The following RPL24 variants were observed in gnomAD, a reference collection of about 807,000 sequenced individuals.
RPL24 encodes ribosomal protein L24.
A neutral mutation model predicts 26.4 loss-of-function variants in RPL24; 7 were observed. The observed-to-expected ratio is 0.27, with a 90% CI of 0.15 to 0.50. The LOEUF (loss-of-function observed/expected upper bound fraction) is 0.50, where lower values mean the gene tolerates loss of function less well. Ranked by LOEUF, RPL24 falls within the 20% of genes least tolerant of loss-of-function variation. The probability of loss-of-function intolerance (pLI) is 0.98; values close to 1 mark genes in which losing one functional copy is unlikely to be tolerated. For synonymous variants in RPL24, 67 were observed against 65.2 expected, an observed-to-expected ratio of 1.03 and a Z score of -0.13; for missense variants, 109 against 194.9, an observed-to-expected ratio of 0.56 and a Z score of 2.62.
At chr3:101,682,942 C>T (rs778321842) in intron 3 of RPL24, 35 bp from the exon 4 acceptor site, 12 of 1,586,080 alleles carry the variant, frequency 7.6e-6, no homozygotes, top group Admixed American at 1.8e-5. Flanking sequence ...ACTTAGGAAC[C>T]TTCCTTCAAG....
intron 5 of RPL24, 103 bp downstream of exon 5, chr3:101,682,326 A>G: frequency 1.1e-6 from 1 of 895,128 alleles, no homozygotes; most frequent in East Asian, 2.4e-5. Context: ...AGATCAGATC[A>G]CGCCACTGCA....
At chr3:101,685,782 G>C (rs1559993523) in intron 3 of RPL24, 36 bp downstream of exon 3, 1 of 1,214,330 alleles carries the variant, frequency 8.2e-7, no homozygotes, top group South Asian at 1.3e-5. Flanking sequence ...GACAACTTAA[G>C]AGATAGCCCC....
At chr3:101,682,947 T>C in intron 3 of RPL24, 40 bp from the exon 4 acceptor site, 3 of 1,578,472 alleles carry the variant, frequency 1.9e-6, no homozygotes, top group Non-Finnish European at 2.6e-6. Flanking sequence ...GGAACCTTCC[T>C]TCAAGAATTT....
chr3:101,681,941 C>G (rs903767019), intron 5 of RPL24: 1 of 157,348 alleles, frequency 6.4e-6, no homozygotes, highest in Non-Finnish European at 1.4e-5. Flanking sequence ...AGAGGACCAC[C>G]TCTCTGGAGA....
chr3:101,686,014 A>G (rs1937336797), intron 2 of RPL24, 86 bp from the exon 3 acceptor site: 1 of 870,752 alleles, frequency 1.1e-6, no homozygotes, highest in South Asian at 1.4e-5. Context: ...GAAGATCAAT[A>G]TGCTAGTTCT....
At chr3:101,682,938 G>A in intron 3 of RPL24, 31 bp from the exon 4 acceptor site, 2 of 1,589,518 alleles carry the variant, frequency 1.3e-6, no homozygotes, top group Non-Finnish European at 1.7e-6. Flanking sequence ...GCACACTTAG[G>A]AACCTTCCTT....
intron 2 of RPL24, 72 bp downstream of exon 2, chr3:101,686,410 C>T: frequency 7.2e-7 from 1 of 1,385,982 alleles, no homozygotes; most frequent in Non-Finnish European, 9.9e-7. Flanking sequence ...AATAAACCCG[C>T]CTAAACCGAA....
At chr3:101,686,601 C>A in intron 1 of RPL24, 44 bp from the exon 2 acceptor site, 1 of 1,614,002 alleles carries the variant, frequency 6.2e-7, no homozygotes, top group African/African-American at 1.3e-5. Flanking sequence ...TGTCTACAGC[C>A]ATGCCAGGGA....
chr3:101,681,281 C>A (rs1051062969), intron 5 of RPL24, 66 bp from the exon 6 acceptor site: 1 of 1,067,562 alleles, frequency 9.4e-7, no homozygotes, highest in African/African-American at 1.6e-5. Flanking sequence ...CCATCTCTCA[C>A]ATCCAGATTG....
At chr3:101,686,123 C>A (rs775187616) in intron 2 of RPL24, 195 bp from the exon 3 acceptor site, 1 of 578,960 alleles carries the variant, frequency 1.7e-6, no homozygotes, top group Non-Finnish European at 3.1e-6. Flanking sequence ...TGCGTTTAGT[C>A]TTTTCTCGAG....
At chr3:101,685,652 A>C (rs1937327757) in intron 3 of RPL24, among the ~76,000 whole-genome samples, 166 bp downstream of exon 3, 1 of 152,226 alleles carries the variant, frequency 6.6e-6, no homozygotes, top group Non-Finnish European at 1.5e-5. Flanking sequence ...CTAGCCTAAA[A>C]TATATAGAGA....
rs140820641 is a variant in RPL24 at position 101,686,691 on chromosome 3, G to C, written c.-15C>G. ...GCTTACTTCATGGCGACAGCTCCAC[G>C]GAAAGACAAAAGATGGCGAAAAGAA... On this transcript the variant is annotated 5_prime_UTR_variant, in exon 1 of 6. Coordinates refer to ENST00000394077, the MANE Select transcript of RPL24 (RefSeq NM_000986.4). 3 of 1,614,192 alleles carry C rather than the reference G, an allele frequency of 1.9e-6. No homozygotes were observed. The highest frequency in any genetic ancestry group is 1.7e-5 in the Admixed American group (1 of 60,028).
rs139047360 is a variant in RPL24, at chr3:101,685,382, T to C, written c.192+436A>G. Among the ~76,000 whole-genome samples, 209 of 152,332 alleles carry C rather than the reference T, an allele frequency of 1.4e-3. 1 individual carries two copies. Among genetic ancestry groups the C allele is most frequent in the African/African-American group, 4.8e-3 (198 of 41,578 alleles). ...ACCATGGCACTCAAACTTTTTCTCA[T>C]GTATAACCCAGCTAAAAGGACACTT... On this transcript the variant is annotated intron_variant, in intron 3 of 5. Coordinates refer to ENST00000394077, the MANE Select transcript of RPL24 (RefSeq NM_000986.4).
At chr3:101,685,296 A>G (rs1162864421) in intron 3 of RPL24, among the ~76,000 whole-genome samples, 2 of 152,166 alleles carry the variant, frequency 1.3e-5, no homozygotes, top group African/African-American at 4.8e-5. Flanking sequence ...CAATACCTAG[A>G]AAAGTCCTTC....
intron 3 of RPL24, among the ~76,000 whole-genome samples, chr3:101,684,030 G>T (rs989375225): frequency 6.6e-6 from 1 of 151,862 alleles, no homozygotes; most frequent in Admixed American, 6.6e-5. Context: ...ATTTTTTTAA[G>T]TAGAAACTGG....
At position 101,686,558 on chromosome 3, in the gene RPL24, C is replaced by G; in HGVS notation, c.6-1G>C. 1 of 1,614,262 alleles carries G rather than the reference C, an allele frequency of 6.2e-7. No individual in the cohort carries two copies. The highest frequency in any genetic ancestry group is 8.5e-7 in the Non-Finnish European group (1 of 1,180,050). On this transcript the variant is annotated splice_acceptor_variant, in intron 1 of 5. Transcript: ENST00000394077. LOFTEE classifies it high-confidence loss of function. ...CCCGCTAAAACTGCACAGCTCGACC[C>G]TGCAACAAAAAGTGAAAGTCCATCA...
In RPL24 at chr3:101,683,810, G is replaced by T. The variant is rs535220450; in HGVS notation, c.193-903C>A. ...TGCAACCTCCGCCTCCACCTCCGGG[G>T]TTCAAGCAATTCTGCCTCAGCCTCC... On this transcript the variant is annotated intron_variant, in intron 3 of 5. Coordinates refer to ENST00000394077, the MANE Select transcript of RPL24 (RefSeq NM_000986.4). Among the ~76,000 whole-genome samples, 17 of 151,548 alleles carry T rather than the reference G, an allele frequency of 1.1e-4. No homozygotes were observed. The South Asian group carries it at 1.5e-3, about 13-fold the overall frequency.
At chr3:101,683,707 C>CTTT (rs541871888) in intron 3 of RPL24, among the ~76,000 whole-genome samples, 5 of 130,870 alleles carry the variant, frequency 3.8e-5, no homozygotes, top group Admixed American at 1.5e-4. Flanking sequence ...TTTTTCTTTT[C>CTTT]TTTTTTTTTT....
Position 101,685,854 on chromosome 3 carries a change from A to G in RPL24, c.156T>C (p.Thr52=), listed in dbSNP as rs1391909930. 2 of 1,613,540 alleles carry G rather than the reference A, an allele frequency of 1.2e-6. No homozygotes were observed. The highest frequency in any genetic ancestry group is 1.7e-6 in the Non-Finnish European group (2 of 1,179,536). Residue 52 remains threonine, a synonymous_variant, in exon 3 of 6, where the codon ACT becomes ACC. Coordinates refer to ENST00000394077, the MANE Select transcript of RPL24 (RefSeq NM_000986.4). Reference sequence around the variant, plus strand: ...TTTTGTGCTTCCTTCTGTAGAGGACAGTCCAGTTTATCTGCCGAGGATTCC... The same window carrying G: ...TTTTGTGCTTCCTTCTGTAGAGGACGGTCCAGTTTATCTGCCGAGGATTCC... ...SKRNPRQINW[T]VLYRRKHKKG...
Sources: allele counts gnomAD v4.1 joint callset (sites outside exome capture counted in the v4.1 genomes callset), GRCh38; gene constraint gnomAD v4.1.1; transcripts MANE v1.5; gene names NCBI Gene and HGNC (gene_info 2026-07-23, HGNC 2026-07-21).